AMD1: variants seen among roughly 807,000 people sequenced by gnomAD.
AMD1 encodes the protein adenosylmethionine decarboxylase 1, also known as S-adenosylmethionine decarboxylase proenzyme.
In AMD1, 11 loss-of-function variants were observed where a neutral mutation model predicts 40.2. That is an observed-to-expected ratio of 0.27 (90% confidence interval 0.17 to 0.45). The LOEUF is 0.45. Ranked by LOEUF, AMD1 falls within the 20% of genes least tolerant of loss-of-function variation. The pLI is 1.00. For synonymous variants in AMD1, 121 were observed against 130.8 expected (o/e 0.93, Z 0.51); for missense variants, 257 against 410.2 (o/e 0.63, Z 3.23).
chr6:110,842,893 G>A, the AMD1 span, among the ~76,000 whole-genome samples: 1 of 152,056 alleles, frequency 6.6e-6, no homozygotes. Flanking sequence ...CCAGCAATTT[G>A]GGAGGCCGAG....
upstream of AMD1, among the ~76,000 whole-genome samples, chr6:110,871,164 G>A (rs912442609): frequency 5.3e-5 from 8 of 152,168 alleles, no homozygotes; most frequent in Admixed American, 1.3e-4. Flanking sequence ...GAAGGCCAGG[G>A]TAAGAAATTT....
At chr6:110,847,381 C>T in the AMD1 span, among the ~76,000 whole-genome samples, 3 of 150,838 alleles carry the variant, frequency 2.0e-5, no homozygotes, top group Admixed American at 1.3e-4. Context: ...AAAAATTAGC[C>T]GGGCATGGTG....
chr6:110,832,294 C>T, the AMD1 span, among the ~76,000 whole-genome samples: 2 of 151,962 alleles, frequency 1.3e-5, no homozygotes, highest in South Asian at 4.1e-4. Context: ...CATGAGCCAC[C>T]GTGCCCAGCC....
upstream of AMD1, among the ~76,000 whole-genome samples, chr6:110,872,019 A>C (rs1450817633): frequency 6.6e-6 from 1 of 152,216 alleles, no homozygotes; most frequent in Admixed American, 6.5e-5. Context: ...TTCTAGAAGG[A>C]AGGCATAGTT....
In AMD1 at chr6:110,892,211, T is replaced by C; in HGVS notation, c.470+8T>C. On this transcript the variant is annotated splice_region_variant and intron_variant, in intron 5 of 8. Transcript: ENST00000368885. ...TATGAATTCTGACTGTTGGTATGTT[T>C]AATGCAATTTTGTGGATTTTTGTTG... The C allele has an allele frequency of 6.2e-7, 1 of 1,613,868 alleles. No individual in the cohort carries two copies.
the AMD1 span, chr6:110,859,252 A>C: frequency 2.3e-6 from 1 of 436,998 alleles, no homozygotes; most frequent in Non-Finnish European, 4.2e-6. Context: ...CTGCCAATCA[A>C]CCCAGGGTCT....
chr6:110,817,591 A>C, the AMD1 span, among the ~76,000 whole-genome samples: 1 of 152,190 alleles, frequency 6.6e-6, no homozygotes, highest in East Asian at 1.9e-4. Flanking sequence ...CCTGGGCAAC[A>C]GAGCAAGACC....
Position 110,874,985 on chromosome 6 carries a change from AAG to A in AMD1, c.-120_-119del, listed in dbSNP as rs1785018217. 4.4e-6 allele frequency: 3 copies of A among 682,096 alleles called. No individual in the cohort carries two copies. In the Admixed American group the frequency reaches 9.1e-5, roughly 21 times the overall value. 42.3% of individuals were successfully genotyped at this position (682,096 alleles called of 1,614,324 possible). ...AATATAAAATTATAGCAAAAAAAAA[AAG>A]GAACCTGAACTTTAGTAACACAGCT... is the stretch of plus-strand genomic sequence containing the variant. On this transcript the variant is annotated 5_prime_UTR_variant, in exon 1 of 9. Coordinates refer to ENST00000368885, the MANE Select transcript of AMD1 (RefSeq NM_001634.6).
chr6:110,848,294 G>A, the AMD1 span, among the ~76,000 whole-genome samples: 80 of 151,654 alleles, frequency 5.3e-4, no homozygotes, highest in African/African-American at 1.8e-3. Flanking sequence ...GGCTGAGGCA[G>A]GCGAGTCACT....
the AMD1 span, among the ~76,000 whole-genome samples, chr6:110,844,490 G>C: frequency 6.6e-6 from 1 of 151,302 alleles, no homozygotes; most frequent in African/African-American, 2.4e-5. Flanking sequence ...CTAGATGAAG[G>C]CTTCTTCTGG....
chr6:110,883,347 G>A lies in AMD1; in HGVS notation c.111-4158G>A, dbSNP rs575644164. ...TTTTTTTCCCCTGTGGTATCTCCTC[G>A]CTGATTTCTCCTGGGCTTGCCAGAA... On this transcript the variant is annotated intron_variant, in intron 1 of 8. Transcript: ENST00000368885. 3.3e-5 allele frequency among the ~76,000 whole-genome samples: 5 copies of A among 152,204 alleles called. No homozygotes were observed. The Middle Eastern group carries it at 0.01, about 311-fold the overall frequency.
upstream of AMD1, among the ~76,000 whole-genome samples, chr6:110,871,645 G>A (rs1230511163): frequency 6.6e-6 from 1 of 152,198 alleles, no homozygotes; most frequent in Non-Finnish European, 1.5e-5. Context: ...AGCTTGAGTT[G>A]AAGACAGCTG....
the AMD1 span, chr6:110,859,263 G>A: frequency 2.5e-6 from 1 of 395,788 alleles, no homozygotes; most frequent in East Asian, 4.9e-5. Flanking sequence ...CCCAGGGTCT[G>A]TGAGTGGCGG....
At chr6:110,849,943 T>C in the AMD1 span, among the ~76,000 whole-genome samples, 1 of 151,610 alleles carries the variant, frequency 6.6e-6, no homozygotes, top group Admixed American at 6.6e-5. Context: ...GGGAATCTCT[T>C]GAGCCTGGGA....
In AMD1 at chr6:110,892,719, C is replaced by CA; in HGVS notation, c.616-16_616-15insA. The stretch of plus-strand genomic sequence containing the variant: ...TTGTCAAACCCTTGTTAAACTCGGT[C>CA]TTTTTCCCCCCCCAGGAGAGTGGAA... On this transcript the variant is annotated splice_polypyrimidine_tract_variant and intron_variant, in intron 6 of 8. Transcript: ENST00000368885. The CA allele has an allele frequency of 2.0e-6, 3 of 1,512,218 alleles. No individual in the cohort carries two copies. The highest frequency in any genetic ancestry group is 2.7e-6 in the Non-Finnish European group (3 of 1,131,318). 93.7% of individuals were successfully genotyped at this position (1,512,218 alleles called of 1,614,324 possible). A position where few individuals can be genotyped will look rare whatever the true frequency, so the allele number is the denominator to read the frequency against.
At chr6:110,863,243 C>A in the AMD1 span, among the ~76,000 whole-genome samples, 2 of 151,810 alleles carry the variant, frequency 1.3e-5, no homozygotes, top group African/African-American at 4.8e-5. Context: ...CCACGCCTGG[C>A]CCCCAAGTTC....
intron 2 of AMD1, chr6:110,888,627 C>T (rs1222669509): frequency 3.8e-6 from 1 of 262,170 alleles, no homozygotes; most frequent in Non-Finnish European, 7.2e-6. Flanking sequence ...TTTTTTTAAA[C>T]TAAGTTTATA....
At chr6:110,834,650 C>T in the AMD1 span, among the ~76,000 whole-genome samples, 1 of 151,894 alleles carries the variant, frequency 6.6e-6, no homozygotes, top group Non-Finnish European at 1.5e-5. Context: ...TAGTGAGATC[C>T]CTGCATCCAC....
At chr6:110,875,299 T>A in intron 1 of AMD1, 84 bp downstream of exon 1, 1 of 1,137,736 alleles carries the variant, frequency 8.8e-7, no homozygotes, top group Non-Finnish European at 1.3e-6. Context: ...GAGCCCGAGT[T>A]CCCTCAGCTT....
Sources: gnomAD v4.1 joint callset for allele counts (sites outside exome capture counted in the v4.1 genomes callset) on GRCh38, gnomAD v4.1.1 for gene constraint, MANE v1.5 for transcripts, NCBI Gene and HGNC (gene_info 2026-07-23, HGNC 2026-07-21) for gene names.